ZNF385B: variants seen among roughly 807,000 people sequenced by gnomAD.
ZNF385B encodes the protein zinc finger protein 533.
ZNF385B carries 23 observed loss-of-function variants against 39.2 expected under a neutral mutation model. The ratio of observed to expected loss-of-function variants is 0.59; its 90% confidence interval spans 0.42 to 0.83. The LOEUF is 0.83. Among genes scored for constraint, ZNF385B ranks in the 40% least tolerant of loss-of-function variants. ZNF385B has a pLI of 0.00. For missense variants in ZNF385B, 552 were observed against 598.9 expected (o/e 0.92, Z 0.82); for synonymous variants, 205 against 222.6 (o/e 0.92, Z 0.70).
intron 1 of ZNF385B, among the ~76,000 whole-genome samples, chr2:179,846,659 A>G (rs1481527534): frequency 6.6e-6 from 1 of 152,246 alleles, no homozygotes; most frequent in East Asian, 1.9e-4. Flanking sequence ...AAGAATCTTT[A>G]GTGGAGACAA....
At chr2:179,721,974 A>G (rs1700724761) in intron 3 of ZNF385B, among the ~76,000 whole-genome samples, 1 of 152,116 alleles carries the variant, frequency 6.6e-6, no homozygotes, top group Non-Finnish European at 1.5e-5. Context: ...ACAATATAAA[A>G]TAGTCTAAAG....
At chr2:179,546,280 A>G (rs1300670265) in intron 3 of ZNF385B, among the ~76,000 whole-genome samples, 1 of 151,966 alleles carries the variant, frequency 6.6e-6, no homozygotes, top group Admixed American at 6.6e-5. Context: ...CAAGCAACCC[A>G]TCAGTCTCGA....
At chr2:179,769,396 G>A in intron 3 of ZNF385B, 107 bp downstream of exon 3, 2 of 1,494,464 alleles carry the variant, frequency 1.3e-6, no homozygotes, top group Non-Finnish European at 1.8e-6. Context: ...TGTTATCATG[G>A]TAGCCCAGTT....
At chr2:179,745,348 T>A (rs1702316030) in intron 3 of ZNF385B, among the ~76,000 whole-genome samples, 1 of 152,180 alleles carries the variant, frequency 6.6e-6, no homozygotes, top group South Asian at 2.1e-4. Context: ...ATAGCCTTTT[T>A]AATAACATCT....
chr2:179,485,623 T>C (rs1241033953), intron 5 of ZNF385B, among the ~76,000 whole-genome samples: 1 of 152,206 alleles, frequency 6.6e-6, no homozygotes, highest in East Asian at 1.9e-4. Flanking sequence ...ATAGATGATA[T>C]AGTCACAAGT....
chr2:179,801,280 C>G (rs895414935), intron 1 of ZNF385B, among the ~76,000 whole-genome samples: 10 of 152,080 alleles, frequency 6.6e-5, no homozygotes, highest in Admixed American at 5.9e-4. Context: ...CCATAATGAT[C>G]AAGGTTGATC....
rs1478711110 is a variant in ZNF385B, at chr2:179,861,470, C to A, written c.-524G>T. 6 of 152,132 alleles carry A rather than the reference C, an allele frequency of 3.9e-5. No individual in the cohort carries two copies. Among genetic ancestry groups the A allele is most frequent in the South Asian group, 4.0e-4 (2 of 5,052 alleles). The allele number at this position is 152,132 out of a possible 1,614,324, so 9.4% of individuals were successfully genotyped here. On this transcript the variant is annotated 5_prime_UTR_variant, in exon 1 of 10. Transcript: ENST00000410066. ...CCCGGCCCCGCCGCACGCCCGCCCCCCTGGCCTGGCCGAGGACCCCGGGGT... is the reference window on the plus strand; with the variant it reads ...CCCGGCCCCGCCGCACGCCCGCCCCACTGGCCTGGCCGAGGACCCCGGGGT...
At chr2:179,659,252 A>C (rs952209775) in intron 3 of ZNF385B, among the ~76,000 whole-genome samples, 1 of 152,178 alleles carries the variant, frequency 6.6e-6, no homozygotes, top group Non-Finnish European at 1.5e-5. Context: ...TCCTCAACTC[A>C]ATGTGTACTT....
At chr2:179,574,977 G>A (rs1262522147) in intron 3 of ZNF385B, among the ~76,000 whole-genome samples, 4 of 151,868 alleles carry the variant, frequency 2.6e-5, no homozygotes, top group South Asian at 2.1e-4. Flanking sequence ...CCCTTCTTTC[G>A]TTTCTGTGTA....
chr2:179,791,059 T>C (rs1705295932), intron 1 of ZNF385B, among the ~76,000 whole-genome samples: 1 of 152,218 alleles, frequency 6.6e-6, no homozygotes, highest in African/African-American at 2.4e-5. Context: ...TTCCTTCTCA[T>C]CTCACTTGGT....
At chr2:179,568,686 A>G (rs1298321361) in intron 3 of ZNF385B, among the ~76,000 whole-genome samples, 1 of 152,192 alleles carries the variant, frequency 6.6e-6, no homozygotes, top group African/African-American at 2.4e-5. Context: ...GTGTGTGAGA[A>G]ATGGTATTTA....
intron 1 of ZNF385B, among the ~76,000 whole-genome samples, chr2:179,820,399 T>C (rs553908173): frequency 2.0e-5 from 3 of 152,076 alleles, no homozygotes; most frequent in Admixed American, 2.0e-4. Flanking sequence ...TAAAATTTAG[T>C]TTACCAAATG....
chr2:179,694,452 T>G (rs1698570525), intron 3 of ZNF385B, among the ~76,000 whole-genome samples: 1 of 152,044 alleles, frequency 6.6e-6, no homozygotes, highest in East Asian at 1.9e-4. Flanking sequence ...GTAAAATATA[T>G]TTAAATTACT....
chr2:179,619,884 G>A (rs1485088958), intron 3 of ZNF385B, among the ~76,000 whole-genome samples: 2 of 152,124 alleles, frequency 1.3e-5, no homozygotes, highest in Non-Finnish European at 2.9e-5. Context: ...GAGTAATGTG[G>A]CATGATAAAA....
chr2:179,460,468 G>T (rs1170794703), intron 6 of ZNF385B, among the ~76,000 whole-genome samples: 1 of 152,102 alleles, frequency 6.6e-6, no homozygotes, highest in Non-Finnish European at 1.5e-5. Flanking sequence ...AGTATTAAAG[G>T]GGCCTGAATT....
intron 3 of ZNF385B, among the ~76,000 whole-genome samples, chr2:179,713,843 T>A (rs1575320075): frequency 6.6e-6 from 1 of 152,232 alleles, no homozygotes; most frequent in African/African-American, 2.4e-5. Context: ...TAAATCTTTA[T>A]ATTGGTCCAC....
intron 5 of ZNF385B, among the ~76,000 whole-genome samples, chr2:179,503,722 G>A (rs1216154980): frequency 2.0e-5 from 3 of 151,764 alleles, no homozygotes; most frequent in Non-Finnish European, 4.4e-5. Context: ...GTGAGAACAT[G>A]CGGTGTTTGT....
chr2:179,471,698 A>G (rs1303582941), intron 6 of ZNF385B, among the ~76,000 whole-genome samples: 11 of 152,222 alleles, frequency 7.2e-5, no homozygotes, highest in Non-Finnish European at 1.0e-4. Context: ...TTACTATATC[A>G]TAACTAAAAA....
chr2:179,833,793 C>G (rs897461755), intron 1 of ZNF385B, among the ~76,000 whole-genome samples: 8 of 151,848 alleles, frequency 5.3e-5, no homozygotes, highest in Non-Finnish European at 1.2e-4. Context: ...AATTATATAT[C>G]CAATAAATAA....
Sources: gnomAD v4.1 joint callset for allele counts (sites outside exome capture counted in the v4.1 genomes callset) on GRCh38, gnomAD v4.1.1 for gene constraint, MANE v1.5 for transcripts, NCBI Gene and HGNC (gene_info 2026-07-23, HGNC 2026-07-21) for gene names.